Variants in VRK2 observed in about 807,000 individuals in gnomAD.
VRK2 encodes serine/threonine-protein kinase VRK2.
In VRK2, 60 loss-of-function variants were observed where a neutral mutation model predicts 57.6. The observed-to-expected ratio is 1.04, with a 90% CI of 0.85 to 1.29. The LOEUF (loss-of-function observed/expected upper bound fraction) is 1.29, where lower values mean the gene tolerates loss of function less well. Among genes scored for constraint, VRK2 ranks in the 50% most tolerant of loss-of-function variants. The probability of loss-of-function intolerance (pLI) is 0.00; values close to 1 mark genes in which losing one functional copy is unlikely to be tolerated. For missense variants in VRK2, 705 were observed against 588.1 expected, an observed-to-expected ratio of 1.20 and a Z score of -2.06; for synonymous variants, 231 against 199.2, an observed-to-expected ratio of 1.16 and a Z score of -1.35.
At chr2:58,084,851 T>C (rs757528172) in intron 3 of VRK2, 30 bp from the exon 4 acceptor site, 8 of 1,368,280 alleles carry the variant, frequency 5.8e-6, no homozygotes, top group Non-Finnish European at 8.1e-6. Flanking sequence ...TATTTTTTTC[T>C]AGTAAAATTA....
At chr2:58,049,953 G>C (rs1478868363) in intron 2 of VRK2, among the ~76,000 whole-genome samples, 1 of 152,024 alleles carries the variant, frequency 6.6e-6, no homozygotes, top group Non-Finnish European at 1.5e-5. Context: ...GTCTATTCTA[G>C]TTGGAAAGAC....
intron 10 of VRK2, among the ~76,000 whole-genome samples, chr2:58,136,021 G>A (rs1049861339): frequency 3.3e-5 from 5 of 152,116 alleles, no homozygotes; most frequent in African/African-American, 1.2e-4. Flanking sequence ...AAGTAGATAT[G>A]TACACTGACC....
intron 1 of VRK2, among the ~76,000 whole-genome samples, chr2:57,969,190 A>G (rs1290967458): frequency 6.6e-6 from 1 of 152,106 alleles, no homozygotes; most frequent in Non-Finnish European, 1.5e-5. Context: ...AAAAAGAAAA[A>G]GAGGGGATCA....
At chr2:58,105,046 T>C (rs1266680351) in intron 7 of VRK2, among the ~76,000 whole-genome samples, 2 of 151,886 alleles carry the variant, frequency 1.3e-5, no homozygotes, top group African/African-American at 4.8e-5. Flanking sequence ...TCTCACCATA[T>C]ACAACAGTCA....
intron 2 of VRK2, among the ~76,000 whole-genome samples, chr2:58,068,018 C>T (rs1270447730): frequency 6.6e-6 from 1 of 152,024 alleles, no homozygotes; most frequent in Non-Finnish European, 1.5e-5. Context: ...CAGCCTGCAC[C>T]TCCTGGGTTC....
rs147274891 is a variant in VRK2 at position 58,002,834 on chromosome 2, T to C, written c.-438-22831T>C. 5.8e-3 allele frequency among the ~76,000 whole-genome samples: 883 copies of C among 152,312 alleles called. 7 individuals carry two copies. The highest frequency in any genetic ancestry group is 0.022 in the South Asian group (106 of 4,820). ...GACATTAGAATAATGCTGTTACAAC[T>C]GTTAAAGCATGCTTCATTTTGTGTT... On this transcript the variant is annotated intron_variant, in intron 1 of 15. Coordinates refer to the VRK2 transcript ENST00000417641.
intron 12 of VRK2, among the ~76,000 whole-genome samples, chr2:58,157,720 G>T (rs1573463603): frequency 6.6e-6 from 1 of 152,144 alleles, no homozygotes; most frequent in Non-Finnish European, 1.5e-5. Flanking sequence ...AATACTCGAA[G>T]AATAATGCCG....
chr2:58,051,632 A>G (rs1411593798), intron 2 of VRK2, among the ~76,000 whole-genome samples: 2 of 152,212 alleles, frequency 1.3e-5, no homozygotes, highest in Admixed American at 1.3e-4. Flanking sequence ...TTCAGCAGAC[A>G]CTTGATCAGC....
chr2:58,077,020 T>C (rs1670212284), intron 2 of VRK2, among the ~76,000 whole-genome samples: 1 of 152,048 alleles, frequency 6.6e-6, no homozygotes, highest in African/African-American at 2.4e-5. Context: ...ATTTATATAC[T>C]TCATTAAAAT....
At chr2:58,131,340 G>A (rs1679156739) in intron 8 of VRK2, among the ~76,000 whole-genome samples, 1 of 151,002 alleles carries the variant, frequency 6.6e-6, no homozygotes, top group African/African-American at 2.4e-5. Flanking sequence ...GCTAGTGTGA[G>A]TGGAACAGGA....
intron 1 of VRK2, among the ~76,000 whole-genome samples, chr2:57,992,736 C>T (rs1201530199): frequency 6.6e-6 from 1 of 151,962 alleles, no homozygotes; most frequent in South Asian, 2.1e-4. Context: ...CGGGGTTTCA[C>T]CTTGTTAGCC....
rs557798716 is a variant in VRK2 at position 58,099,396 on chromosome 2, C to T, written c.543+9673C>T. On this transcript the variant is annotated intron_variant, in intron 7 of 12. Coordinates refer to ENST00000340157, the MANE Select transcript of VRK2 (RefSeq NM_006296.7). ...TGAGTGCTCAGGTCTCACTTGCCTTCGTGTTGTCTTACATTCTGAACTAGA... is the reference window on the plus strand; with the variant it reads ...TGAGTGCTCAGGTCTCACTTGCCTTTGTGTTGTCTTACATTCTGAACTAGA... 7.9e-5 allele frequency among the ~76,000 whole-genome samples: 12 copies of T among 152,166 alleles called. No homozygotes were observed. The South Asian group carries it at 2.3e-3, about 29-fold the overall frequency.
intron 1 of VRK2, among the ~76,000 whole-genome samples, chr2:57,953,371 CA>C (rs1473668673): frequency 6.6e-6 from 1 of 152,170 alleles, no homozygotes; most frequent in Admixed American, 6.5e-5. Context: ...CTCATTGTTC[CA>C]TATCTATAAT....
intron 7 of VRK2, among the ~76,000 whole-genome samples, chr2:58,112,999 G>C (rs1236191872): frequency 1.3e-5 from 2 of 152,092 alleles, no homozygotes; most frequent in Non-Finnish European, 2.9e-5. Context: ...AGATTCCTGG[G>C]GAAGGAGTTT....
intron 12 of VRK2, chr2:58,147,061 C>A: frequency 2.2e-6 from 1 of 461,208 alleles, no homozygotes; most frequent in South Asian, 1.7e-5. Context: ...GATTTATACA[C>A]CATCATTTCC....
At chr2:58,000,133 T>C (rs1162063175) in intron 1 of VRK2, among the ~76,000 whole-genome samples, 3 of 152,214 alleles carry the variant, frequency 2.0e-5, no homozygotes, top group Admixed American at 6.5e-5. Flanking sequence ...CCTATAAATA[T>C]TTATTGAGCT....
Position 58,159,379 on chromosome 2 carries a change from G to C in VRK2, c.1213G>C (p.Glu405Gln), listed in dbSNP as rs575242941. The change falls in exon 13 of 13, where the codon GAG becomes CAG. Residue 405 changes from glutamate (E) to glutamine (Q), a missense_variant. Coordinates refer to ENST00000340157, the MANE Select transcript of VRK2 (RefSeq NM_006296.7). ...ESTRRRQKYQ[E>Q]SQEPLNEVNS... ...CACAAGGAGAAGACAGAAATATCAA[G>C]AGTCTCAAGAACCTTTGAATGAAGT... is the stretch of plus-strand genomic sequence containing the variant. The C allele has an allele frequency of 1.2e-6, 2 of 1,610,346 alleles. No homozygotes were observed. The highest frequency in any genetic ancestry group is 1.7e-6 in the Non-Finnish European group (2 of 1,178,668).
chr2:58,084,241 G>A (rs1671304957), intron 3 of VRK2, 103 bp downstream of exon 3: 1 of 1,195,454 alleles, frequency 8.4e-7, no homozygotes, highest in African/African-American at 1.5e-5. Flanking sequence ...TGCCTTATCA[G>A]TAAACCTAAT....
rs142658009 is a variant in VRK2 at position 58,012,172 on chromosome 2, C to T, written c.-438-13493C>T. ...CCCTATATGGTCTAAAAAGGGGAGG[C>T]ATGAATAATCCACCTTTGTTTAGCA... On this transcript the variant is annotated intron_variant, in intron 1 of 15. Coordinates refer to the VRK2 transcript ENST00000417641. 5.6e-3 allele frequency among the ~76,000 whole-genome samples: 856 copies of T among 152,278 alleles called. 7 individuals are homozygous for T. Among genetic ancestry groups the T allele is most frequent in the African/African-American group, 0.019 (798 of 41,566 alleles).
Sources: allele counts gnomAD v4.1 joint callset (sites outside exome capture counted in the v4.1 genomes callset), GRCh38; gene constraint gnomAD v4.1.1; transcripts MANE v1.5; gene names NCBI Gene and HGNC (gene_info 2026-07-23, HGNC 2026-07-21).